The following MUC4 variants were observed in gnomAD, a reference collection of about 807,000 sequenced individuals.
MUC4 encodes the protein mucin 4, cell surface associated, also known as mucin-4.
Under a neutral mutation model 257.9 loss-of-function variants are expected in MUC4, and 202 were observed. The observed-to-expected ratio is 0.78, with a 90% CI of 0.70 to 0.88. MUC4 has a LOEUF of 0.88. Among genes scored for constraint, MUC4 ranks in the 40% least tolerant of loss-of-function variants. MUC4 has a pLI of 0.00. For missense variants in MUC4, 5,976 were observed against 6,513.7 expected, an observed-to-expected ratio of 0.92 and a Z score of 2.84; for synonymous variants, 2,351 against 2,757.1, an observed-to-expected ratio of 0.85 and a Z score of 4.62.
Position 195,784,935 on chromosome 3 carries a change from G to C in MUC4, c.6645C>G (p.Ser2215=). 1 of 1,436,956 alleles carries C rather than the reference G, an allele frequency of 7.0e-7. No individual in the cohort carries two copies. The highest frequency in any genetic ancestry group is 9.5e-7 in the Non-Finnish European group (1 of 1,054,782). 89.0% of individuals were successfully genotyped at this position (1,436,956 alleles called of 1,614,324 possible). The part of the protein sequence containing the change: ...QATPLPVTSP[S]SASTGHAIPL... ...GGATGGCGTGACCTGTGGATGCTGA[G>C]GAAGGGCTGGTGACAGGAAGAGGGG... The change falls in exon 2 of 25, where the codon TCC becomes TCG. Residue 2215 remains serine, a synonymous_variant. Coordinates refer to ENST00000463781, the MANE Select transcript of MUC4 (RefSeq NM_018406.7).
chr3:195,753,647 G>C (rs1008061755), intron 19 of MUC4: 1 of 246,250 alleles, frequency 4.1e-6, no homozygotes, highest in African/African-American at 2.3e-5. Flanking sequence ...GCCTTAGGGG[G>C]CTTGGTAAAG....
intron 4 of MUC4, among the ~76,000 whole-genome samples, chr3:195,772,318 T>A (rs1267877424): frequency 6.8e-6 from 1 of 146,646 alleles, no homozygotes; most frequent in African/African-American, 2.6e-5. Context: ...GAACCCTCTA[T>A]CTATTGCTCA....
Position 195,790,879 on chromosome 3 carries a change from G to C in MUC4, c.701C>G (p.Thr234Ser). The C allele has an allele frequency of 6.2e-7, 1 of 1,614,018 alleles. No homozygotes were observed. Among genetic ancestry groups the C allele is most frequent in the Non-Finnish European group, 8.5e-7 (1 of 1,179,900 alleles). The part of the protein sequence containing the change: ...FSPSVHNVTG[T>S]VSQKTSPSGE... Reference sequence around the variant, plus strand: ...TGAAGGAGATGTCTTCTGAGAAACAGTCCCTGTCACATTGTGTACACTTGG... The same window carrying C: ...TGAAGGAGATGTCTTCTGAGAAACACTCCCTGTCACATTGTGTACACTTGG... The change falls in exon 2 of 25, where the codon ACT becomes AGT. Residue 234 changes from threonine to serine, a missense_variant. Thr to Ser is a moderately conservative substitution (Grantham distance 58). Around this residue, in one of 44 missense-constraint regions of MUC4, gnomAD observed 1,583 missense variants for 1,257.4 expected, o/e 1.26. Transcript: ENST00000463781.
chr3:195,764,653 G>A (rs1720024689), intron 10 of MUC4, among the ~76,000 whole-genome samples: 1 of 152,042 alleles, frequency 6.6e-6, no homozygotes, highest in Non-Finnish European at 1.5e-5. Flanking sequence ...CAGCTCCCTT[G>A]GAGCGTCTCT....
At position 195,790,723 on chromosome 3, in the gene MUC4, G is replaced by C. The variant is rs753081419; in HGVS notation, c.857C>G (p.Thr286Ser). The C allele has an allele frequency of 9.9e-6, 16 of 1,613,892 alleles. No individual in the cohort carries two copies. The highest frequency in any genetic ancestry group is 8.8e-5 in the South Asian group (8 of 91,082). ...NPGETSSVPVTGSLMPVTSAA... is the reference protein window; with the variant it reads ...NPGETSSVPVSGSLMPVTSAA... ...TGAGGTGACTGGCATAAGACTTCCA[G>C]TAACAGGTACTGATGATGTCTCCCC... The change falls in exon 2 of 25, where the codon ACT becomes AGT. Residue 286 changes from threonine to serine, a missense_variant. By Grantham distance (58) the Thr-to-Ser change is moderately conservative. Coordinates refer to ENST00000463781, the MANE Select transcript of MUC4 (RefSeq NM_018406.7).
In MUC4 at chr3:195,765,261, A is replaced by G; in HGVS notation, c.13798+9T>C. ...GGTGGGCTTGTGGGGGGCGGGAAGGAGGTGTCACCTATGCTGACGGGTTGG... is the reference window on the plus strand; with the variant it reads ...GGTGGGCTTGTGGGGGGCGGGAAGGGGGTGTCACCTATGCTGACGGGTTGG... On this transcript the variant is annotated intron_variant, in intron 9 of 24. Transcript: ENST00000463781. 1 of 1,603,130 alleles carries G rather than the reference A, an allele frequency of 6.2e-7. No individual in the cohort carries two copies. Among genetic ancestry groups the G allele is most frequent in the Admixed American group, 1.7e-5 (1 of 59,636 alleles).
intron 1 of MUC4, chr3:195,809,531 G>C (rs1736417742): frequency 6.6e-6 from 1 of 152,404 alleles, no homozygotes; most frequent in Non-Finnish European, 1.5e-5. Context: ...TCCTCTCCTG[G>C]CCCAGCTCCA....
At position 195,789,860 on chromosome 3, in the gene MUC4, T is replaced by C. The variant is rs140432137; in HGVS notation, c.1720A>G (p.Thr574Ala). 268 of 1,614,000 alleles carry C rather than the reference T, an allele frequency of 1.7e-4. 1 individual carries two copies. In the African/African-American group the frequency reaches 2.9e-3, roughly 17 times the overall value. ...GGGCTGCTGAGAAGAGCCTCTCCAG[T>C]GGTCCCCGTTTCTTGTGTCCATTGT... ...QTQWTQETGTTGEALLSSPSY... is the reference protein window; with the variant it reads ...QTQWTQETGTAGEALLSSPSY... Residue 574 changes from threonine to alanine, a missense_variant, in exon 2 of 25, where the codon ACT becomes GCT. Around this residue, in one of 44 missense-constraint regions of MUC4, gnomAD observed 1,583 missense variants for 1,257.4 expected, o/e 1.26. Coordinates refer to ENST00000463781, the MANE Select transcript of MUC4 (RefSeq NM_018406.7).
chr3:195,752,903 G>A (rs1453584170), intron 20 of MUC4, 148 bp downstream of exon 20: 10 of 773,010 alleles, frequency 1.3e-5, no homozygotes, highest in South Asian at 5.7e-5. Context: ...CCCATAGCCC[G>A]CACCTTACAC....
intron 1 of MUC4, among the ~76,000 whole-genome samples, chr3:195,801,268 T>C (rs1161397910): frequency 6.6e-6 from 1 of 152,142 alleles, no homozygotes; most frequent in African/African-American, 2.4e-5. Flanking sequence ...ACGCATAAAC[T>C]TGGGGAGCAG....
Position 195,774,207 on chromosome 3 carries a change from A to G in MUC4, c.13042T>C (p.Phe4348Leu). 2 of 1,608,856 alleles carry G rather than the reference A, an allele frequency of 1.2e-6. No individual in the cohort carries two copies. Among genetic ancestry groups the G allele is most frequent in the Non-Finnish European group, 1.7e-6 (2 of 1,177,800 alleles). The change falls in exon 4 of 25, where the codon TTC (phenylalanine) becomes CTC (leucine). Residue 4348 changes from phenylalanine (F) to leucine (L), a missense_variant. Coordinates refer to ENST00000463781, the MANE Select transcript of MUC4 (RefSeq NM_018406.7). The part of the protein sequence containing the change: ...TSPLFKPATG[F>L]PLGSSLRDSL... ...TCACGGAGAGAGGAGCCAAGGGGGA[A>G]GCCAGTCGCCGGCTTGAAGAGTGGG...
intron 16 of MUC4, among the ~76,000 whole-genome samples, chr3:195,759,500 T>C (rs1577980403): frequency 6.6e-6 from 1 of 152,272 alleles, no homozygotes; most frequent in East Asian, 1.9e-4. Flanking sequence ...AAAGAGCTCC[T>C]TTCAGATTCT....
intron 1 of MUC4, among the ~76,000 whole-genome samples, chr3:195,798,094 C>CA (rs1734785531): frequency 6.6e-6 from 1 of 152,088 alleles, no homozygotes; most frequent in African/African-American, 2.4e-5. Flanking sequence ...CTCCAGCCTG[C>CA]ATGACAGAGG....
intron 16 of MUC4, among the ~76,000 whole-genome samples, chr3:195,760,601 A>ACG (rs1718652662): frequency 1.3e-5 from 1 of 77,090 alleles, no homozygotes; most frequent in African/African-American, 4.3e-5. Context: ...GCTAGTATGG[A>ACG]GTGAAGGGGG....
Position 195,768,062 on chromosome 3 carries a change from G to A in MUC4, c.13529+960C>T, listed in dbSNP as rs186562496. ...GCCTGCAGCCCCACCCTGGGTGCCT[G>A]CTGCAGAGTGGGGACTCTTGGGCTT... is the stretch of plus-strand genomic sequence containing the variant. On this transcript the variant is annotated intron_variant, in intron 7 of 24. Coordinates refer to ENST00000463781, the MANE Select transcript of MUC4 (RefSeq NM_018406.7). Among the ~76,000 whole-genome samples, 266 of 152,216 alleles carry A rather than the reference G, an allele frequency of 1.7e-3. 1 individual carries two copies. Among genetic ancestry groups the A allele is most frequent in the African/African-American group, 4.6e-3 (193 of 41,538 alleles).
rs202062227 is a variant in MUC4 at position 195,752,329 on chromosome 3, G to T, written c.15582+44C>A. ...GATGGTTCCGCCCTGGCCTGAACCC[G>T]CCAAGCGCCCCCTCCCACCCAGAGC... On this transcript the variant is annotated intron_variant, in intron 21 of 24. Coordinates refer to ENST00000463781, the MANE Select transcript of MUC4 (RefSeq NM_018406.7). 6.1e-4 allele frequency: 937 copies of T among 1,543,634 alleles called. 1 individual carries two copies. The highest frequency in any genetic ancestry group is 8.3e-4 in the Admixed American group (50 of 59,890).
chr3:195,747,164 A>T lies in MUC4; in HGVS notation c.*12T>A, dbSNP rs1173686093. On this transcript the variant is annotated 3_prime_UTR_variant, in exon 25 of 25. Transcript: ENST00000463781. ...GGTGAGTCTTGAGGTAGCCTAGGCC[A>T]CAGCTGCCCCTTCAAGGCAAGGCCT... is the stretch of plus-strand genomic sequence containing the variant. 1.2e-6 allele frequency: 2 copies of T among 1,614,096 alleles called. No homozygotes were observed. Among genetic ancestry groups the T allele is most frequent in the Non-Finnish European group, 1.7e-6 (2 of 1,180,020 alleles).
rs765975087 is a variant in MUC4 at position 195,764,045 on chromosome 3, C to T, written c.14044G>A (p.Ala4682Thr). The change falls in exon 11 of 25, where the codon GCC becomes ACC. Residue 4682 changes from alanine to threonine, a missense_variant and splice_region_variant. Coordinates refer to ENST00000463781, the MANE Select transcript of MUC4 (RefSeq NM_018406.7). The stretch of plus-strand genomic sequence containing the variant: ...CCTGGGCCTGGGCCCTGTCGCTCAC[C>T]GGGCTGTGGGGGCCTGTATGTAGCA... ...GCATYRPPQPAWMFGDPHITT... is the reference protein window; with the variant it reads ...GCATYRPPQPTWMFGDPHITT... 7.5e-6 allele frequency: 12 copies of T among 1,608,934 alleles called. No individual in the cohort carries two copies. The highest frequency in any genetic ancestry group is 2.7e-5 in the African/African-American group (2 of 74,956).
At position 195,786,869 on chromosome 3, in the gene MUC4, C is replaced by T. The variant is rs56111561; in HGVS notation, c.4711G>A (p.Val1571Ile). Residue 1571 changes from valine to isoleucine, a missense_variant, in exon 2 of 25, where the codon GTC becomes ATC. Coordinates refer to ENST00000463781, the MANE Select transcript of MUC4 (RefSeq NM_018406.7). ...GTAGATGCTGAGGAAGGGCTGGTGA[C>T]AGGAAGAGGGGTGGTGTGACCTGTG... ...VSTGHTTPLPVTSPSSASTGH... is the reference protein window; with the variant it reads ...VSTGHTTPLPITSPSSASTGH... The T allele has an allele frequency of 2.0e-6, 3 of 1,536,642 alleles. No individual in the cohort carries two copies. Among genetic ancestry groups the T allele is most frequent in the Non-Finnish European group, 2.6e-6 (3 of 1,139,604 alleles).
Sources: gnomAD v4.1 joint callset for allele counts (sites outside exome capture counted in the v4.1 genomes callset) on GRCh38, gnomAD v4.1.1 for gene constraint, gnomAD v4.1.1 regional missense constraint, MANE v1.5 for transcripts, NCBI Gene and HGNC (gene_info 2026-07-23, HGNC 2026-07-21) for gene names.